The following LRRC18 variants were observed in gnomAD, a reference collection of about 807,000 sequenced individuals.
The protein encoded by LRRC18 is leucine rich repeat containing 18.
Under a neutral mutation model 11.2 loss-of-function variants are expected in LRRC18, and 12 were observed. The observed-to-expected ratio is 1.07, with a 90% CI of 0.69 to 1.74. The LOEUF (loss-of-function observed/expected upper bound fraction) is 1.74, where lower values mean the gene tolerates loss of function less well. Among genes scored for constraint, LRRC18 ranks in the 40% most tolerant of loss-of-function variants. LRRC18 has a pLI of 0.00. For missense variants in LRRC18, 374 were observed against 330.5 expected, an observed-to-expected ratio of 1.13 and a Z score of -1.02; for synonymous variants, 155 against 130.6, an observed-to-expected ratio of 1.19 and a Z score of -1.27.
the LRRC18 span, among the ~76,000 whole-genome samples, chr10:48,924,844 T>C: frequency 1.3e-5 from 2 of 152,258 alleles, no homozygotes. Flanking sequence ...TGTCTGGTGC[T>C]TCACACTCAT....
the LRRC18 span, among the ~76,000 whole-genome samples, chr10:48,922,977 T>G: frequency 3.3e-5 from 5 of 152,170 alleles, no homozygotes; most frequent in African/African-American, 1.2e-4. Context: ...GTTACATGAA[T>G]CTGTACATCT....
the LRRC18 span, among the ~76,000 whole-genome samples, chr10:48,930,800 T>A: frequency 6.7e-6 from 1 of 150,216 alleles, no homozygotes; most frequent in Non-Finnish European, 1.5e-5. Flanking sequence ...CAAAAAAAAA[T>A]TATTTCCCAA....
At chr10:48,922,970 A>G in the LRRC18 span, among the ~76,000 whole-genome samples, 90 of 152,340 alleles carry the variant, frequency 5.9e-4, no homozygotes, top group African/African-American at 2.0e-3. Flanking sequence ...GATGGTGGTT[A>G]CATGAATCTG....
At chr10:48,936,679 T>G in the LRRC18 span, among the ~76,000 whole-genome samples, 1 of 151,358 alleles carries the variant, frequency 6.6e-6, no homozygotes, top group Non-Finnish European at 1.5e-5. Context: ...CTACTAAAAA[T>G]ACAAAAACAT....
upstream of LRRC18, among the ~76,000 whole-genome samples, chr10:48,918,138 A>G (rs1838721156): frequency 6.6e-6 from 1 of 152,228 alleles, no homozygotes; most frequent in Admixed American, 6.5e-5. Context: ...AAAACAGTTT[A>G]AAAATTCAAA....
At chr10:48,925,243 C>T in the LRRC18 span, among the ~76,000 whole-genome samples, 2 of 152,204 alleles carry the variant, frequency 1.3e-5, no homozygotes, top group African/African-American at 4.8e-5. Flanking sequence ...GGCTTCAGAT[C>T]ACTCTGTGTC....
upstream of LRRC18, among the ~76,000 whole-genome samples, chr10:48,914,557 G>A (rs1838329594): frequency 1.3e-5 from 2 of 152,192 alleles, no homozygotes; most frequent in Admixed American, 6.5e-5. Context: ...AGCCATGTGT[G>A]TGTGTTCTTG....
At chr10:48,925,936 C>A in the LRRC18 span, among the ~76,000 whole-genome samples, 1 of 152,094 alleles carries the variant, frequency 6.6e-6, no homozygotes, top group South Asian at 2.1e-4. Context: ...AATATTTTTA[C>A]TATAAGAGAA....
At chr10:48,936,763 A>C in the LRRC18 span, among the ~76,000 whole-genome samples, 1 of 150,376 alleles carries the variant, frequency 6.6e-6, no homozygotes, top group Non-Finnish European at 1.5e-5. Context: ...GCTTGAACCC[A>C]GGAGACAGAG....
the LRRC18 span, among the ~76,000 whole-genome samples, chr10:48,934,773 G>C: frequency 6.6e-6 from 1 of 152,180 alleles, no homozygotes; most frequent in Non-Finnish European, 1.5e-5. Context: ...GTGACTGGTC[G>C]GGTGAAAGCA....
the LRRC18 span, among the ~76,000 whole-genome samples, chr10:48,922,884 T>C: frequency 6.6e-6 from 1 of 152,280 alleles, no homozygotes; most frequent in African/African-American, 2.4e-5. Flanking sequence ...GATTAGGGGT[T>C]GGGGAAAGGC....
the LRRC18 span, among the ~76,000 whole-genome samples, chr10:48,926,071 CCT>C: frequency 5.3e-5 from 8 of 152,222 alleles, no homozygotes; most frequent in East Asian, 1.4e-3. Context: ...CACTGTGCCA[CCT>C]CTCTCTCTCC....
At chr10:48,939,126 G>C in the LRRC18 span, among the ~76,000 whole-genome samples, 1 of 152,184 alleles carries the variant, frequency 6.6e-6, no homozygotes, top group Non-Finnish European at 1.5e-5. Flanking sequence ...CAGGTTCCCA[G>C]GTTGCACAAT....
intron 1 of LRRC18, chr10:48,911,042 CAT>C (rs975048060): frequency 2.5e-4 from 81 of 319,008 alleles, no homozygotes; most frequent in African/African-American, 1.8e-3. Context: ...CTGTCTCAAT[CAT>C]ATGTCTCTGC....
chr10:48,933,391 G>GGT, the LRRC18 span, among the ~76,000 whole-genome samples: 2 of 152,192 alleles, frequency 1.3e-5, no homozygotes, highest in Non-Finnish European at 2.9e-5. Context: ...GCATCTCTCT[G>GGT]GTGCCCTTTC....
the LRRC18 span, among the ~76,000 whole-genome samples, chr10:48,927,302 C>A: frequency 6.6e-6 from 1 of 152,242 alleles, no homozygotes; most frequent in Non-Finnish European, 1.5e-5. Context: ...CATAAAGTGA[C>A]CTCTCCTTTG....
At chr10:48,922,387 T>A in the LRRC18 span, among the ~76,000 whole-genome samples, 1 of 152,218 alleles carries the variant, frequency 6.6e-6, no homozygotes, top group Non-Finnish European at 1.5e-5. Context: ...AAGAGAGAGA[T>A]GCCTTAAAGT....
At chr10:48,923,034 A>T in the LRRC18 span, among the ~76,000 whole-genome samples, 1 of 152,222 alleles carries the variant, frequency 6.6e-6, no homozygotes. Context: ...TTACTGCAGA[A>T]ACATTTTTAA....
chr10:48,912,948 C>T (rs767178387), intron 1 of LRRC18, among the ~76,000 whole-genome samples: 8 of 152,260 alleles, frequency 5.3e-5, no homozygotes, highest in Non-Finnish European at 1.0e-4. Context: ...TTCTTACAAA[C>T]TCATGCTCTG....
Sources: allele counts gnomAD v4.1 joint callset (sites outside exome capture counted in the v4.1 genomes callset), GRCh38; gene constraint gnomAD v4.1.1; transcripts MANE v1.5; gene names NCBI Gene and HGNC (gene_info 2026-07-23, HGNC 2026-07-21).